PLEKHG3: variants seen among roughly 807,000 people sequenced by gnomAD.
PLEKHG3 encodes the protein pleckstrin homology domain-containing family G member 3.
Under a neutral mutation model 94.9 loss-of-function variants are expected in PLEKHG3, and 62 were observed. The ratio of observed to expected loss-of-function variants is 0.65; its 90% confidence interval spans 0.53 to 0.81. PLEKHG3 has a LOEUF of 0.81. PLEKHG3 is among the 30% of genes least tolerant of loss of function. The probability of loss-of-function intolerance (pLI) is 0.00; values close to 1 mark genes in which losing one functional copy is unlikely to be tolerated. For missense variants in PLEKHG3, 1,461 were observed against 1,619.3 expected, an observed-to-expected ratio of 0.90 and a Z score of 1.68; for synonymous variants, 614 against 654.0, an observed-to-expected ratio of 0.94 and a Z score of 0.93.
chr14:64,737,824 A>C, intron 14 of PLEKHG3: 1 of 1,104,212 alleles, frequency 9.1e-7, no homozygotes, highest in South Asian at 1.7e-5. Flanking sequence ...GAGGTTGCCC[A>C]AGAGGCTGGT....
At chr14:64,706,166 C>G (rs2080967769) in intron 1 of PLEKHG3, among the ~76,000 whole-genome samples, 1 of 152,192 alleles carries the variant, frequency 6.6e-6, no homozygotes, top group South Asian at 2.1e-4. Context: ...TAGTCCAGCA[C>G]GGGTTTATGC....
In PLEKHG3 at chr14:64,750,245, C is replaced by G; in HGVS notation, c.*6542C>G. 1.5e-6 allele frequency: 2 copies of G among 1,336,414 alleles called. No homozygotes were observed. The allele number at this position is 1,336,414 out of a possible 1,614,324, so 82.8% of individuals were successfully genotyped here. A position where few individuals can be genotyped will look rare whatever the true frequency, so the allele number is the denominator to read the frequency against. On this transcript the variant is annotated 3_prime_UTR_variant, in exon 17 of 17. Coordinates refer to ENST00000247226, the MANE Select transcript of PLEKHG3 (RefSeq NM_001308147.2). ...AGCTTCACCATTAAAAAAAATTACA[C>G]CATGTTTGTTCTGATACATAGTAAC...
chr14:64,731,224 C>T lies in PLEKHG3; in HGVS notation c.849+55C>T, dbSNP rs1025557551. On this transcript the variant is annotated intron_variant, in intron 7 of 16. Transcript: ENST00000247226. This position sits in a 1 kb window ranked among gnomAD's most constrained non-coding sequence, Gnocchi z 6.1. ...GGCAGGGCTGGGTGGGCCAGGCTTC[C>T]GCTGGGAAGAGGGACTGTGGCCACC... 47 of 1,537,722 alleles carry T rather than the reference C, an allele frequency of 3.1e-5. No individual in the cohort carries two copies. Among genetic ancestry groups the T allele is most frequent in the Middle Eastern group, 2.1e-4 (1 of 4,658 alleles).
rs1566686723 is a variant in PLEKHG3 at position 64,704,449 on chromosome 14, TG to T, written c.-294del. ...GCTCCCTCGCTCCCTCGCTCCCTCC[TG>T]CCCTCCCGCTGCAGCTCCGGCTCCG... On this transcript the variant is annotated 5_prime_UTR_variant, in exon 1 of 17. Transcript: ENST00000247226. This position sits in a 1 kb window ranked among gnomAD's most constrained non-coding sequence, Gnocchi z 5.6. The T allele has an allele frequency of 5.6e-5, 7 of 125,490 alleles. No homozygotes were observed. Among genetic ancestry groups the T allele is most frequent in the Non-Finnish European group, 8.5e-5 (5 of 58,922 alleles). 7.8% of individuals were successfully genotyped at this position (125,490 alleles called of 1,614,324 possible).
In PLEKHG3 at chr14:64,737,485, A is replaced by G; in HGVS notation, c.1404+110A>G. ...GTCTTCATTCATTCAACAAATGCCT[A>G]CTAAGCACCCACTGTGTACCAGGCT... On this transcript the variant is annotated intron_variant, in intron 14 of 16. Coordinates refer to ENST00000247226, the MANE Select transcript of PLEKHG3 (RefSeq NM_001308147.2). The G allele has an allele frequency of 1.8e-5, 13 of 710,776 alleles. No homozygotes were observed. The South Asian group carries it at 2.3e-4, about 13-fold the overall frequency. 44.0% of individuals were successfully genotyped at this position (710,776 alleles called of 1,614,324 possible).
rs2081235953 is a variant in PLEKHG3 at position 64,720,011 on chromosome 14, A to AGT, written c.-39-7580_-39-7579dup. On this transcript the variant is annotated intron_variant, in intron 1 of 16. Transcript: ENST00000247226. This position sits in a 1 kb window ranked among gnomAD's most constrained non-coding sequence, Gnocchi z 4.1. The stretch of plus-strand genomic sequence containing the variant: ...CTTCCGGTTTTGGGGCACATTGCAT[A>AGT]GTGACAAGTTGTGCTGGCAGCCAAG... Among the ~76,000 whole-genome samples, 1 of 152,182 alleles carries AGT rather than the reference A, an allele frequency of 6.6e-6. No homozygotes were observed. The highest frequency in any genetic ancestry group is 2.1e-4 in the South Asian group (1 of 4,824).
intron 13 of PLEKHG3, 71 bp from the exon 14 acceptor site, chr14:64,737,285 T>C: frequency 1.7e-6 from 2 of 1,207,908 alleles, no homozygotes; most frequent in South Asian, 1.3e-5. Context: ...TTTTCCTGCT[T>C]ACTGATCTCT....
rs1184290993 is a variant in PLEKHG3 at position 64,739,944 on chromosome 14, T to TA, written c.1518+1090dup. Among the ~76,000 whole-genome samples, 2 of 152,144 alleles carry TA rather than the reference T, an allele frequency of 1.3e-5. No homozygotes were observed. The highest frequency in any genetic ancestry group is 2.9e-5 in the Non-Finnish European group (2 of 68,028). ...AGCAAATTGGGGTGTCAAATAATAA[T>TA]ACAATGAGAACCACCCATTACAAAG... On this transcript the variant is annotated intron_variant, in intron 15 of 16. Transcript: ENST00000247226. This position sits in a 1 kb window ranked among gnomAD's most constrained non-coding sequence, Gnocchi z 4.1.
chr14:64,730,945 T>C lies in PLEKHG3; in HGVS notation c.713T>C (p.Leu238Pro), dbSNP rs1328771182. 4 of 1,613,036 alleles carry C rather than the reference T, an allele frequency of 2.5e-6. No individual in the cohort carries two copies. The highest frequency in any genetic ancestry group is 3.4e-6 in the Non-Finnish European group (4 of 1,179,824). The stretch of plus-strand genomic sequence containing the variant: ...CGCATCCTCAAGTACCACCTGCTGC[T>C]CCAGGTAGCCCCTCGGTCCTCCCAA... ...VQRILKYHLL[L>P]QEIAKHFDEE... Residue 238 changes from leucine to proline, a missense_variant, in exon 6 of 17, where the codon CTC becomes CCC. Leu to Pro is a moderately conservative substitution (Grantham distance 98, BLOSUM62 -3). Transcript: ENST00000247226. The surrounding 1 kb of genome is among the most constrained non-coding windows in gnomAD (Gnocchi z 5.4).
chr14:64,713,416 G>T (rs117534404), intron 1 of PLEKHG3, among the ~76,000 whole-genome samples: 1,783 of 152,298 alleles, frequency 0.012, 15 homozygotes, highest in Middle Eastern at 0.034. Flanking sequence ...CAGGGAAGCC[G>T]TCTAGTCCTG....
chr14:64,734,294 T>C (rs2081529308), intron 12 of PLEKHG3, among the ~76,000 whole-genome samples: 1 of 152,198 alleles, frequency 6.6e-6, no homozygotes, highest in Non-Finnish European at 1.5e-5. Context: ...TCTTCTCTTT[T>C]CTTTTCTTCT....
chr14:64,729,483 T>A (rs2081417338), intron 3 of PLEKHG3, among the ~76,000 whole-genome samples: 1 of 152,156 alleles, frequency 6.6e-6, no homozygotes, highest in Non-Finnish European at 1.5e-5. Flanking sequence ...TCCCTGGAGA[T>A]GATCTGACCT....
At position 64,731,190 on chromosome 14, in the gene PLEKHG3, TGGGGGA is replaced by T; in HGVS notation, c.849+26_849+31del. ...TCCAGGTGCTCTGGGGCTGGGACGC[TGGGGGA>T]GGGGCAGGGCTGGGTGGGCCAGGCT... is the stretch of plus-strand genomic sequence containing the variant. On this transcript the variant is annotated intron_variant, in intron 7 of 16. Coordinates refer to ENST00000247226, the MANE Select transcript of PLEKHG3 (RefSeq NM_001308147.2). The surrounding 1 kb of genome is among the most constrained non-coding windows in gnomAD (Gnocchi z 6.1). The T allele has an allele frequency of 9.9e-7, 1 of 1,005,176 alleles. No homozygotes were observed. The highest frequency in any genetic ancestry group is 1.5e-6 in the Non-Finnish European group (1 of 684,334). 62.3% of individuals were successfully genotyped at this position (1,005,176 alleles called of 1,614,324 possible).
intron 3 of PLEKHG3, 62 bp downstream of exon 3, chr14:64,729,155 G>A (rs562528053): frequency 5.5e-6 from 4 of 723,074 alleles, no homozygotes; most frequent in South Asian, 1.7e-5. Context: ...AGGGCCTAGG[G>A]AGGAACCCTG....
At chr14:64,713,102 T>C (rs1358672500) in intron 1 of PLEKHG3, among the ~76,000 whole-genome samples, 7 of 152,198 alleles carry the variant, frequency 4.6e-5, no homozygotes, top group Admixed American at 4.6e-4. Context: ...ACCTGAATTA[T>C]TTTAATTAAT....
rs1394744538 is a variant in PLEKHG3 at position 64,750,092 on chromosome 14, T to C, written c.*6389T>C. ...GTAGGGCATCCCCAGGGCCAGGTTC[T>C]TGGCATCCTTGTAGAAGGTTAGCTC... On this transcript the variant is annotated 3_prime_UTR_variant, in exon 17 of 17. Coordinates refer to ENST00000247226, the MANE Select transcript of PLEKHG3 (RefSeq NM_001308147.2). 1.9e-6 allele frequency: 3 copies of C among 1,614,104 alleles called. No homozygotes were observed. The highest frequency in any genetic ancestry group is 2.2e-5 in the South Asian group (2 of 91,094).
rs2081163894 is a variant in PLEKHG3, at chr14:64,716,511, ACACACACACACACACACACAC to A, written c.-39-11081_-39-11061del. Among the ~76,000 whole-genome samples the A allele has an allele frequency of 7.6e-6, 1 of 132,052 alleles. No individual in the cohort carries two copies. Among genetic ancestry groups the A allele is most frequent in the African/African-American group, 3.0e-5 (1 of 33,580 alleles). 86.6% of individuals were successfully genotyped at this position (132,052 alleles called of 152,430 possible). On this transcript the variant is annotated intron_variant, in intron 1 of 16. Coordinates refer to ENST00000247226, the MANE Select transcript of PLEKHG3 (RefSeq NM_001308147.2). This position sits in a 1 kb window ranked among gnomAD's most constrained non-coding sequence, Gnocchi z 5.0. ...ACACACACACAACACACACACACAC[ACACACACACACACACACACAC>A]ACACACACACACACACACAAAGCAG...
At position 64,716,496 on chromosome 14, in the gene PLEKHG3, A is replaced by AACACACAC. The variant is rs58480790; in HGVS notation, c.-39-11049_-39-11042dup. Among the ~76,000 whole-genome samples the AACACACAC allele has an allele frequency of 0.063, 5,037 of 79,424 alleles. 361 individuals are homozygous for AACACACAC. Among genetic ancestry groups the AACACACAC allele is most frequent in the East Asian group, 0.16 (321 of 2,036 alleles). 52.1% of individuals were successfully genotyped at this position (79,424 alleles called of 152,430 possible). ...ACACACACACAACACACACACACACAACACACACACACACACACACACACA... is the reference window on the plus strand; with the variant it reads ...ACACACACACAACACACACACACACAACACACACACACACACACACACACACACACACA... On this transcript the variant is annotated intron_variant, in intron 1 of 16. Transcript: ENST00000247226. The surrounding 1 kb of genome is among the most constrained non-coding windows in gnomAD (Gnocchi z 5.0).
In PLEKHG3 at chr14:64,749,803, C is replaced by G; in HGVS notation, c.*6100C>G. ...CCCTGAGCCGAACATCCAGACCCCT[C>G]TCAGGCAGCCCAGCACTTTCTGAGA... On this transcript the variant is annotated 3_prime_UTR_variant, in exon 17 of 17. Coordinates refer to ENST00000247226, the MANE Select transcript of PLEKHG3 (RefSeq NM_001308147.2). This position sits in a 1 kb window ranked among gnomAD's most constrained non-coding sequence, Gnocchi z 4.7. The G allele has an allele frequency of 1.3e-6, 2 of 1,514,096 alleles. No individual in the cohort carries two copies. Among genetic ancestry groups the G allele is most frequent in the Non-Finnish European group, 1.8e-6 (2 of 1,104,478 alleles). 93.8% of individuals were successfully genotyped at this position (1,514,096 alleles called of 1,614,324 possible). A position where few individuals can be genotyped will look rare whatever the true frequency, so the allele number is the denominator to read the frequency against.
Sources: gnomAD v4.1 joint callset for allele counts (sites outside exome capture counted in the v4.1 genomes callset) on GRCh38, gnomAD v4.1.1 for gene constraint, Gnocchi (gnomAD v3.1) non-coding constraint, MANE v1.5 for transcripts, NCBI Gene and HGNC (gene_info 2026-07-23, HGNC 2026-07-21) for gene names.